Variants in FTO observed in about 807,000 individuals in gnomAD.
FTO encodes FTO alpha-ketoglutarate dependent dioxygenase.
FTO carries 47 observed loss-of-function variants against 63.9 expected under a neutral mutation model. The observed-to-expected ratio is 0.74, with a 90% CI of 0.58 to 0.94. The LOEUF is 0.94. Among genes scored for constraint, FTO ranks in the 40% least tolerant of loss-of-function variants. FTO has a pLI of 0.00. For synonymous variants in FTO, 207 were observed against 224.4 expected (o/e 0.92, Z 0.69); for missense variants, 562 against 618.1 (o/e 0.91, Z 0.96).
At chr16:53,809,400 G>T (rs1431646811) in intron 1 of FTO, among the ~76,000 whole-genome samples, 1 of 152,174 alleles carries the variant, frequency 6.6e-6, no homozygotes, top group African/African-American at 2.4e-5. Context: ...ATGGATACTT[G>T]TGGCTTGGTT....
chr16:53,736,713 T>G (rs1326380348), intron 1 of FTO, among the ~76,000 whole-genome samples: 1 of 152,202 alleles, frequency 6.6e-6, no homozygotes, highest in Non-Finnish European at 1.5e-5. Context: ...TGGTTTGACT[T>G]TGATTCAATG....
At chr16:53,886,991 G>T (rs980427825) in intron 6 of FTO, 3 of 152,170 alleles carry the variant, frequency 2.0e-5, no homozygotes, top group African/African-American at 4.8e-5. Context: ...ATTGTACCTT[G>T]ATTTTCAAGT....
chr16:53,748,532 G>T lies in FTO; in HGVS notation c.45+44303G>T, dbSNP rs537544986. The stretch of plus-strand genomic sequence containing the variant: ...TGCAGTGATGTGATCTTGGCTCACT[G>T]CAGCTTCCACCTCCTAGGTTCAAGC... On this transcript the variant is annotated intron_variant, in intron 1 of 8. Coordinates refer to ENST00000471389, the MANE Select transcript of FTO (RefSeq NM_001080432.3). Among the ~76,000 whole-genome samples, 37 of 152,222 alleles carry T rather than the reference G, an allele frequency of 2.4e-4. No individual in the cohort carries two copies. The South Asian group carries it at 7.7e-3, about 32-fold the overall frequency.
chr16:53,973,108 C>G (rs2083366277), intron 8 of FTO, among the ~76,000 whole-genome samples: 1 of 152,134 alleles, frequency 6.6e-6, no homozygotes, highest in Non-Finnish European at 1.5e-5. Context: ...GTTCAGGATC[C>G]CATATGGCAC....
chr16:53,991,519 A>G (rs907461749), intron 8 of FTO: 2 of 152,170 alleles, frequency 1.3e-5, no homozygotes, highest in African/African-American at 4.8e-5. Flanking sequence ...CCGTGCTTTG[A>G]TTCCCTTGTA....
intron 8 of FTO, among the ~76,000 whole-genome samples, chr16:53,954,471 G>T (rs1405828331): frequency 1.3e-5 from 2 of 152,106 alleles, no homozygotes; most frequent in Non-Finnish European, 2.9e-5. Context: ...TTGGGTTCAT[G>T]ATGTCACTAT....
At chr16:53,859,332 A>C (rs181225393) in intron 4 of FTO, among the ~76,000 whole-genome samples, 20 of 152,220 alleles carry the variant, frequency 1.3e-4, no homozygotes, top group African/African-American at 4.8e-4. Context: ...ATTAGCAATT[A>C]AGAAGGATAG....
intron 8 of FTO, among the ~76,000 whole-genome samples, chr16:54,030,081 A>G (rs2084794771): frequency 6.6e-6 from 1 of 152,198 alleles, no homozygotes. Context: ...CCAGTTCTCA[A>G]GTGAGAAAAT....
At chr16:53,985,629 T>C (rs1405329936) in intron 8 of FTO, among the ~76,000 whole-genome samples, 1 of 152,172 alleles carries the variant, frequency 6.6e-6, no homozygotes, top group Non-Finnish European at 1.5e-5. Context: ...CTGTGTGAGG[T>C]GGCATCGAGA....
intron 8 of FTO, among the ~76,000 whole-genome samples, chr16:54,102,590 A>G (rs1193062027): frequency 1.3e-5 from 2 of 152,178 alleles, no homozygotes; most frequent in Non-Finnish European, 2.9e-5. Context: ...TTCACTTTAT[A>G]GTATTATTAA....
Position 53,933,982 on chromosome 16 carries a change from T to C in FTO, c.1240-3T>C. On this transcript the variant is annotated splice_polypyrimidine_tract_variant and splice_region_variant and intron_variant, in intron 7 of 8. Coordinates refer to ENST00000471389, the MANE Select transcript of FTO (RefSeq NM_001080432.3). Reference sequence around the variant, plus strand: ...TTTCTCTGTTTTGGATCATTTCTTGTAGACAAATGCTGTGCTTCATGAAGT... The same window carrying C: ...TTTCTCTGTTTTGGATCATTTCTTGCAGACAAATGCTGTGCTTCATGAAGT... 6.2e-7 allele frequency: 1 copy of C among 1,613,956 alleles called. No homozygotes were observed. The highest frequency in any genetic ancestry group is 8.5e-7 in the Non-Finnish European group (1 of 1,179,810).
At chr16:53,955,169 C>T (rs2082899321) in intron 8 of FTO, among the ~76,000 whole-genome samples, 2 of 152,066 alleles carry the variant, frequency 1.3e-5, no homozygotes, top group South Asian at 4.1e-4. Flanking sequence ...TATCCAGTTG[C>T]ATGAAGATGG....
intron 3 of FTO, 124 bp downstream of exon 3, chr16:53,826,615 A>AAG: frequency 5.7e-6 from 5 of 879,798 alleles, no homozygotes; most frequent in Non-Finnish European, 7.4e-6. Flanking sequence ...GTGTACATGC[A>AAG]CATGCGTGTG....
chr16:54,016,632 C>A (rs1195268569), intron 8 of FTO, among the ~76,000 whole-genome samples: 3 of 152,180 alleles, frequency 2.0e-5, no homozygotes, highest in African/African-American at 7.2e-5. Context: ...ATTTTCTTCC[C>A]TGTCCCTTGC....
At chr16:53,824,250 C>T (rs1164646181) in intron 2 of FTO, among the ~76,000 whole-genome samples, 1 of 152,222 alleles carries the variant, frequency 6.6e-6, no homozygotes, top group Non-Finnish European at 1.5e-5. Context: ...CTCCTCGTAG[C>T]ATGCCACTCT....
At chr16:53,735,404 G>T (rs1249621833) in intron 1 of FTO, among the ~76,000 whole-genome samples, 2 of 152,198 alleles carry the variant, frequency 1.3e-5, no homozygotes, top group Admixed American at 1.3e-4. Context: ...ATATGGGGAA[G>T]GCACAGTTTG....
chr16:53,793,954 A>G lies in FTO; in HGVS notation c.46-16186A>G, dbSNP rs1401703079. On this transcript the variant is annotated intron_variant, in intron 1 of 8. Transcript: ENST00000471389. Reference sequence around the variant, plus strand: ...GGCATTTCACAAAAGAGCTACTGCAAAGTCACAAACATATTAAAAGTTACT... The same window carrying G: ...GGCATTTCACAAAAGAGCTACTGCAGAGTCACAAACATATTAAAAGTTACT... Among the ~76,000 whole-genome samples, 3 of 152,254 alleles carry G rather than the reference A, an allele frequency of 2.0e-5. No individual in the cohort carries two copies. The East Asian group carries it at 5.8e-4, about 29-fold the overall frequency.
intron 1 of FTO, among the ~76,000 whole-genome samples, chr16:53,777,728 C>T (rs145252803): frequency 6.6e-6 from 1 of 152,256 alleles, no homozygotes; most frequent in East Asian, 1.9e-4. Flanking sequence ...GTAGCAAATA[C>T]AAATTTTCTA....
chr16:54,003,645 T>A (rs1349219640), intron 8 of FTO, among the ~76,000 whole-genome samples: 4 of 152,204 alleles, frequency 2.6e-5, no homozygotes, highest in African/African-American at 9.6e-5. Context: ...CAAGAGCCAC[T>A]GTGCCCAACC....
Sources: allele counts gnomAD v4.1 joint callset (sites outside exome capture counted in the v4.1 genomes callset), GRCh38; gene constraint gnomAD v4.1.1; transcripts MANE v1.5; gene names NCBI Gene and HGNC (gene_info 2026-07-23, HGNC 2026-07-21).